Variants in TTC28 observed in about 807,000 individuals in gnomAD.
The protein encoded by TTC28 is tetratricopeptide repeat protein 28.
Under a neutral mutation model 198.0 loss-of-function variants are expected in TTC28, and 61 were observed. That is an observed-to-expected ratio of 0.31 (90% confidence interval 0.25 to 0.38). The LOEUF is 0.38. Among genes scored for constraint, TTC28 ranks in the 10% least tolerant of loss-of-function variants. The pLI is 1.00. For synonymous variants in TTC28, 1,171 were observed against 1,297.8 expected (o/e 0.90, Z 2.10); for missense variants, 2,678 against 3,164.0 (o/e 0.85, Z 3.69).
intron 2 of TTC28, among the ~76,000 whole-genome samples, chr22:28,379,321 G>GA (rs1170548690): frequency 6.6e-6 from 1 of 152,158 alleles, no homozygotes; most frequent in Non-Finnish European, 1.5e-5. Flanking sequence ...ACATATATTT[G>GA]AATACCCATG....
At chr22:28,336,747 T>C (rs2045727583) in intron 2 of TTC28, among the ~76,000 whole-genome samples, 1 of 152,192 alleles carries the variant, frequency 6.6e-6, no homozygotes, top group Non-Finnish European at 1.5e-5. Flanking sequence ...TTTATTCGTC[T>C]TGCTAGCAGT....
chr22:28,238,084 ACTTT>A (rs1929380585), intron 5 of TTC28, among the ~76,000 whole-genome samples: 1 of 152,058 alleles, frequency 6.6e-6, no homozygotes, highest in Non-Finnish European at 1.5e-5. Flanking sequence ...GTTGTGACTT[ACTTT>A]ATGTTTTTAC....
Position 27,987,378 on chromosome 22 carries a change from C to T in TTC28, c.5708-2022G>A, listed in dbSNP as rs1937247512. On this transcript the variant is annotated intron_variant, in intron 21 of 22. Transcript: ENST00000397906. ...GTGTGCAGGGGAGGAAGCCTGGCTC[C>T]ACCACCCCCACACCAAAGGGAGCCT... Among the ~76,000 whole-genome samples the T allele has an allele frequency of 2.0e-5, 3 of 152,170 alleles. No homozygotes were observed. In the South Asian group the frequency reaches 6.2e-4, roughly 32 times the overall value.
At chr22:28,228,453 A>G (rs1928518576) in intron 5 of TTC28, among the ~76,000 whole-genome samples, 1 of 152,190 alleles carries the variant, frequency 6.6e-6, no homozygotes, top group African/African-American at 2.4e-5. Flanking sequence ...TAATCCCAGC[A>G]CTTTGGAAGA....
rs575134275 is a variant in TTC28, at chr22:28,163,427, T to A, written c.1106A>T (p.Asp369Val). Residue 369 changes from aspartate to valine, a missense_variant, in exon 6 of 23, where the codon GAC (aspartate) becomes GTC (valine). Physicochemically the swap from Asp to Val is radical, Grantham distance 152. Coordinates refer to ENST00000397906, the MANE Select transcript of TTC28 (RefSeq NM_001145418.2). ...NMGAVYIAMG[D>V]FENAVQCHEQ... The stretch of plus-strand genomic sequence containing the variant: ...ATGGCACTGCACAGCATTCTCAAAG[T>A]CACCCATGGCAATATACACAGCTCC... The A allele has an allele frequency of 1.4e-5, 22 of 1,551,810 alleles. No individual in the cohort carries two copies. In the African/African-American group the frequency reaches 2.9e-4, roughly 20 times the overall value.
chr22:28,072,743 G>T (rs146310778), intron 12 of TTC28, among the ~76,000 whole-genome samples: 1 of 152,326 alleles, frequency 6.6e-6, no homozygotes, highest in African/African-American at 2.4e-5. Flanking sequence ...GAAAGTAATT[G>T]CAAGCTTACT....
intron 2 of TTC28, among the ~76,000 whole-genome samples, chr22:28,515,778 A>C (rs978334752): frequency 6.6e-6 from 1 of 152,166 alleles, no homozygotes; most frequent in Non-Finnish European, 1.5e-5. Flanking sequence ...TCTTTTTATA[A>C]AAATGGATAG....
chr22:28,585,503 G>C (rs745834758), intron 2 of TTC28, among the ~76,000 whole-genome samples: 3 of 152,180 alleles, frequency 2.0e-5, no homozygotes, highest in Admixed American at 2.0e-4. Flanking sequence ...AAGCGATAGA[G>C]AGCGGCTGTA....
chr22:27,982,744 G>T lies in TTC28; in HGVS notation c.6923C>A (p.Pro2308Gln), dbSNP rs192610058. The T allele has an allele frequency of 3.0e-5, 47 of 1,551,426 alleles. No individual in the cohort carries two copies. The African/African-American group carries it at 6.2e-4, about 20-fold the overall frequency. ...HISKSPRNMS[P>Q]SSGHQSPAGS... is the part of the protein sequence containing the mutation. ...AGCAGGAGACTGGTGGCCGGAGCTTGGGGACATGTTCCTTGGTGATTTGGA... is the reference window on the plus strand; with the variant it reads ...AGCAGGAGACTGGTGGCCGGAGCTTTGGGACATGTTCCTTGGTGATTTGGA... The change falls in exon 23 of 23, where the codon CCA (proline) becomes CAA (glutamine). Residue 2308 changes from proline to glutamine, a missense_variant. Transcript: ENST00000397906. This position sits in a 1 kb window ranked among gnomAD's most constrained non-coding sequence, Gnocchi z 5.2.
intron 2 of TTC28, among the ~76,000 whole-genome samples, chr22:28,392,870 C>CTT (rs1245558034): frequency 0.56 from 45,298 of 80,678 alleles, 14,378 homozygotes; most frequent in South Asian, 0.72. Flanking sequence ...TTCCTCCCTC[C>CTT]TTTTTTTTTT....
In TTC28 at chr22:28,030,332, C is replaced by G; in HGVS notation, c.3967G>C (p.Gly1323Arg). 6.4e-7 allele frequency: 1 copy of G among 1,551,830 alleles called. No homozygotes were observed. Among genetic ancestry groups the G allele is most frequent in the Non-Finnish European group, 8.7e-7 (1 of 1,147,024 alleles). Residue 1323 changes from glycine to arginine, a missense_variant, in exon 13 of 23, where the codon GGA (glycine) becomes CGA (arginine). Gly to Arg is a moderately radical substitution (Grantham distance 125). This residue lies in a region of TTC28 where 727 missense variants were observed against 861.9 expected (regional missense o/e 0.84). Coordinates refer to ENST00000397906, the MANE Select transcript of TTC28 (RefSeq NM_001145418.2). ...TCAAATTGCTGGTCCATGATGTCTC[C>G]CGCTTCACTCTCTGTCTCACTGCTG... ...CASSETESEAGDIMDQQFEEM... is the reference protein window; with the variant it reads ...CASSETESEARDIMDQQFEEM...
chr22:28,392,075 C>T lies in TTC28; in HGVS notation c.382-85432G>A, dbSNP rs546361384. On this transcript the variant is annotated intron_variant, in intron 2 of 22. Transcript: ENST00000397906. Reference sequence around the variant, plus strand: ...TCCTTCTAACAGACAGGACCCTCAGCTGCAGGTCTGTTGGAGTACCTGGCT... The same window carrying T: ...TCCTTCTAACAGACAGGACCCTCAGTTGCAGGTCTGTTGGAGTACCTGGCT... Among the ~76,000 whole-genome samples, 38 of 152,248 alleles carry T rather than the reference C, an allele frequency of 2.5e-4. No homozygotes were observed. In the East Asian group the frequency reaches 4.4e-3, roughly 18 times the overall value.
intron 2 of TTC28, among the ~76,000 whole-genome samples, chr22:28,587,574 C>A (rs2050340242): frequency 1.3e-5 from 2 of 151,830 alleles, no homozygotes; most frequent in Non-Finnish European, 2.9e-5. Context: ...CAGCTCACTG[C>A]AAGCTGAGAC....
At chr22:28,307,279 A>C (rs1281293302) in intron 2 of TTC28, among the ~76,000 whole-genome samples, 3 of 152,218 alleles carry the variant, frequency 2.0e-5, no homozygotes, top group Non-Finnish European at 4.4e-5. Context: ...TAGTATTATC[A>C]ATTGTGATTA....
chr22:28,501,060 T>TA (rs1374939795), intron 2 of TTC28, among the ~76,000 whole-genome samples: 1 of 152,178 alleles, frequency 6.6e-6, no homozygotes, highest in African/African-American at 2.4e-5. Context: ...TTTCTCTTTC[T>TA]AAAGCTTGAG....
At chr22:28,207,321 C>A (rs781186221) in intron 5 of TTC28, among the ~76,000 whole-genome samples, 1 of 150,530 alleles carries the variant, frequency 6.6e-6, no homozygotes, top group Non-Finnish European at 1.5e-5. Context: ...AAAATCACTA[C>A]AAGCATTCCA....
At chr22:28,116,784 C>T (rs1244383444) in intron 6 of TTC28, among the ~76,000 whole-genome samples, 3 of 152,210 alleles carry the variant, frequency 2.0e-5, no homozygotes, top group Non-Finnish European at 4.4e-5. Context: ...CCTTGGAGCA[C>T]CTTCTGAGGG....
At chr22:28,579,395 CATAT>C (rs1482570463) in intron 2 of TTC28, among the ~76,000 whole-genome samples, 4 of 148,512 alleles carry the variant, frequency 2.7e-5, no homozygotes, top group African/African-American at 4.9e-5. Context: ...TAGCTATATA[CATAT>C]ATAACTATAC....
At chr22:28,347,220 T>C (rs1311405674) in intron 2 of TTC28, among the ~76,000 whole-genome samples, 1 of 145,110 alleles carries the variant, frequency 6.9e-6, no homozygotes, top group Non-Finnish European at 1.5e-5. Context: ...GCCAACATCA[T>C]ACCACTGCAC....
Sources: allele counts gnomAD v4.1 joint callset (sites outside exome capture counted in the v4.1 genomes callset), GRCh38; gene constraint gnomAD v4.1.1; regional missense constraint gnomAD v4.1.1; non-coding constraint Gnocchi (gnomAD v3.1); transcripts MANE v1.5; gene names NCBI Gene and HGNC (gene_info 2026-07-23, HGNC 2026-07-21).